NEB: variants seen among roughly 807,000 people sequenced by gnomAD.
NEB encodes nemaline myopathy type 2.
In NEB, 512 loss-of-function variants were observed where a neutral mutation model predicts 952.2. The ratio of observed to expected loss-of-function variants is 0.54; its 90% CI spans 0.50 to 0.58. The LOEUF is 0.58. Among genes scored for constraint, NEB ranks in the 20% least tolerant of loss-of-function variants. The pLI is 0.00. For missense variants in NEB, 8,428 were observed against 9,231.1 expected (o/e 0.91, Z 3.56); for synonymous variants, 2,900 against 3,149.8 (o/e 0.92, Z 2.66).
Position 151,607,544 on chromosome 2 carries a change from T to C in NEB, c.12599A>G (p.Glu4200Gly). The change falls in exon 83 of 182, where the codon GAG becomes GGG. Residue 4200 changes from glutamate (E) to glycine (G), a missense_variant. This residue lies in a region of NEB where 14 missense variants were observed against 46.4 expected (regional missense o/e 0.30). Transcript: ENST00000397345. The stretch of plus-strand genomic sequence containing the variant: ...GGCATTGATGTGGGCCTGCAGCATC[T>C]CCGGAGTATCAGAAGGAATGGTGAT... ...SNITIPSDTP[E>G]MLQAHINALQ... The C allele has an allele frequency of 1.4e-6, 1 of 696,128 alleles. No individual in the cohort carries two copies. Among genetic ancestry groups the C allele is most frequent in the Non-Finnish European group, 2.2e-6 (1 of 452,334 alleles). The allele number at this position is 696,128 out of a possible 1,614,324, so 43.1% of individuals were successfully genotyped here.
intron 179 of NEB, 97 bp downstream of exon 179, chr2:151,491,586 T>C: frequency 9.6e-7 from 1 of 1,040,024 alleles, no homozygotes; most frequent in South Asian, 1.4e-5. Flanking sequence ...AATGGAAAAC[T>C]CTGGAGGGAA....
At position 151,576,334 on chromosome 2, in the gene NEB, C is replaced by A. The variant is rs2153808846; in HGVS notation, c.16725G>T (p.Leu5575Phe). ...LQSDALYKAD[L>F]EWLRGIGWMP... ...TCCAGCCAATGCCACGCAACCACTC[C>A]AAGTCAGCCTTGTAGAGGGCCTGAA... Residue 5575 changes from leucine to phenylalanine, a missense_variant, in exon 106 of 182, where the codon TTG becomes TTT. This residue lies in a region of NEB where 3,374 missense variants were observed against 3,651.5 expected (regional missense o/e 0.92). Transcript: ENST00000397345. 1 of 1,605,278 alleles carries A rather than the reference C, an allele frequency of 6.2e-7. No individual in the cohort carries two copies. Among genetic ancestry groups the A allele is most frequent in the Non-Finnish European group, 8.5e-7 (1 of 1,174,464 alleles).
chr2:151,610,234 C>A (rs2097897584), intron 80 of NEB, 114 bp from the exon 81 acceptor site: 10 of 874,834 alleles, frequency 1.1e-5, no homozygotes, highest in Admixed American at 2.9e-5. Context: ...ATTTTGGCAT[C>A]TCTGAACTAT....
chr2:151,531,803 G>C lies in NEB; in HGVS notation c.21511C>G (p.Gln7171Glu). 6.2e-7 allele frequency: 1 copy of C among 1,610,926 alleles called. No individual in the cohort carries two copies. The change falls in exon 144 of 182, where the codon CAA becomes GAA. Residue 7171 changes from glutamine (Q) to glutamate (E), a missense_variant. Gln to Glu is a conservative substitution (Grantham distance 29). Coordinates refer to ENST00000397345, the MANE Select transcript of NEB (RefSeq NM_001164508.2). The part of the protein sequence containing the change: ...EHLRTTKVNK[Q>E]ISDILYKLEY... Reference sequence around the variant, plus strand: ...TTTCTTGCACTTACATCGCTGATTTGTTTGTTGACTTTTGTAGTACGCAGG... The same window carrying C: ...TTTCTTGCACTTACATCGCTGATTTCTTTGTTGACTTTTGTAGTACGCAGG...
Position 151,565,524 on chromosome 2 carries a change from T to G in NEB, c.18343A>C (p.Ile6115Leu). 6.3e-7 allele frequency: 1 copy of G among 1,597,066 alleles called. No individual in the cohort carries two copies. Among genetic ancestry groups the G allele is most frequent in the Non-Finnish European group, 8.6e-7 (1 of 1,166,060 alleles). ...ACATCACTTTGATTGACAGAATTAA[T>G]CTTGGCTAAAACAATCTCTGGAGGA... ...VDPPEIVLAKINSVNQSDVKY... is the reference protein window; with the variant it reads ...VDPPEIVLAKLNSVNQSDVKY... The change falls in exon 116 of 182, where the codon ATT becomes CTT. Residue 6115 changes from isoleucine (I) to leucine (L), a missense_variant. Physicochemically the swap from Ile to Leu is conservative, Grantham distance 5 (BLOSUM62 2). Around this residue, in one of 11 missense-constraint regions of NEB, gnomAD observed 3,374 missense variants for 3,651.5 expected, o/e 0.92. Coordinates refer to ENST00000397345, the MANE Select transcript of NEB (RefSeq NM_001164508.2).
chr2:151,503,250 C>T (rs1052141153), intron 166 of NEB, 99 bp downstream of exon 166: 3 of 868,632 alleles, frequency 3.5e-6, no homozygotes, highest in Non-Finnish European at 5.6e-6. Flanking sequence ...CAGACACACA[C>T]AGAATTGCTG....
At chr2:151,707,517 G>A (rs77418991) in intron 12 of NEB, among the ~76,000 whole-genome samples, 65 of 25,834 alleles carry the variant, frequency 2.5e-3, no homozygotes, top group African/African-American at 3.2e-3. Context: ...TTACAAGTAG[G>A]AGGAGGAGGA....
chr2:151,628,041 T>A (rs1192014549), intron 68 of NEB, among the ~76,000 whole-genome samples: 1 of 152,138 alleles, frequency 6.6e-6, no homozygotes, highest in Non-Finnish European at 1.5e-5. Flanking sequence ...GTCTCATAAA[T>A]AGTCTAACAG....
Position 151,659,083 on chromosome 2 carries a change from A to G in NEB, c.6057T>C (p.Asn2019=), listed in dbSNP as rs2099118054. Residue 2019 remains asparagine, a synonymous_variant, in exon 47 of 182, where the codon AAT becomes AAC. Coordinates refer to ENST00000397345, the MANE Select transcript of NEB (RefSeq NM_001164508.2). ...TACTTACATCACTCATATTAATTGC[A>G]TTTGCCTTTGCCAAAATAATCTGGG... is the stretch of plus-strand genomic sequence containing the variant. The part of the protein sequence containing the change: ...DIPQIILAKA[N]AINMSDKLYK... The G allele has an allele frequency of 6.2e-7, 1 of 1,608,366 alleles. No homozygotes were observed. The highest frequency in any genetic ancestry group is 8.5e-7 in the Non-Finnish European group (1 of 1,175,018).
chr2:151,533,985 A>G (rs1220377996), intron 142 of NEB, among the ~76,000 whole-genome samples: 1 of 152,132 alleles, frequency 6.6e-6, no homozygotes, highest in Non-Finnish European at 1.5e-5. Flanking sequence ...GGATGGGAGG[A>G]CCCAGCTTTT....
chr2:151,508,442 G>A (rs2071094043), intron 161 of NEB, among the ~76,000 whole-genome samples: 1 of 152,242 alleles, frequency 6.6e-6, no homozygotes, highest in Non-Finnish European at 1.5e-5. Context: ...GATGCCTCCA[G>A]TGGCAGTAGT....
At chr2:151,506,870 C>CT (rs1423895436) in intron 163 of NEB, 39 bp downstream of exon 163, 1 of 1,300,142 alleles carries the variant, frequency 7.7e-7, no homozygotes, top group South Asian at 1.2e-5. Context: ...AGTGAAATGA[C>CT]TAGGTTAGCA....
In NEB at chr2:151,640,443, T is replaced by C. The variant is rs370002964; in HGVS notation, c.8597A>G (p.Asp2866Gly). Residue 2866 changes from aspartate (D) to glycine (G), a missense_variant, in exon 61 of 182, where the codon GAC becomes GGC. This residue lies in a region of NEB where 1,772 missense variants were observed against 1,960.3 expected (regional missense o/e 0.90). Transcript: ENST00000397345. ...CCACTGGTGCAGGTAGTTCTTGTAG[T>C]CCACATCGCTGACTAAGGTCTGGCA... The part of the protein sequence containing the change: ...KKCQTLVSDV[D>G]YKNYLHQWTC... The C allele has an allele frequency of 9.3e-6, 15 of 1,613,994 alleles. No individual in the cohort carries two copies. The highest frequency in any genetic ancestry group is 1.3e-5 in the Non-Finnish European group (15 of 1,179,884).
At position 151,627,862 on chromosome 2, in the gene NEB, T is replaced by C. The variant is rs777142154; in HGVS notation, c.9832-28A>G. 3.8e-6 allele frequency: 6 copies of C among 1,597,596 alleles called. No individual in the cohort carries two copies. In the Admixed American group the frequency reaches 8.6e-5, roughly 23 times the overall value. On this transcript the variant is annotated intron_variant, in intron 68 of 181. Coordinates refer to ENST00000397345, the MANE Select transcript of NEB (RefSeq NM_001164508.2). ...GAAATAAAGGTGGTCATTTCAAAAA[T>C]AAAAATGAATAGAAAGGCTTAGAAG...
intron 24 of NEB, among the ~76,000 whole-genome samples, chr2:151,688,599 AC>A (rs2099521171): frequency 6.6e-6 from 1 of 152,174 alleles, no homozygotes; most frequent in Non-Finnish European, 1.5e-5. Flanking sequence ...CTTGGGGGAT[AC>A]TTTTCAAGAC....
In NEB at chr2:151,687,695, C is replaced by T. The variant is rs1238118025; in HGVS notation, c.2454G>A (p.Lys818=). ...YKQDWEKSKA[K]KFDIKVDAIP... ...TGGCGTCCACTTTAATGTCAAACTT[C>T]TTGGCTTTGCTCTTCTCCCAGTCTT... The change falls in exon 26 of 182, where the codon AAG becomes AAA. Residue 818 remains lysine, a synonymous_variant. Transcript: ENST00000397345. 1.9e-6 allele frequency: 3 copies of T among 1,599,464 alleles called. No homozygotes were observed. The South Asian group carries it at 3.4e-5, about 18-fold the overall frequency.
chr2:151,540,268 A>G, intron 138 of NEB, 76 bp downstream of exon 138: 1 of 871,646 alleles, frequency 1.1e-6, no homozygotes, highest in South Asian at 1.9e-5. Flanking sequence ...ATATGGCTGA[A>G]ATATGTTATG....
chr2:151,628,211 C>T (rs1388250520), intron 68 of NEB, among the ~76,000 whole-genome samples: 3 of 152,196 alleles, frequency 2.0e-5, no homozygotes, highest in African/African-American at 7.2e-5. Context: ...CATGAAATCA[C>T]TAACCCAGAA....
chr2:151,530,393 G>A (rs1157990302), intron 145 of NEB, among the ~76,000 whole-genome samples: 4 of 152,022 alleles, frequency 2.6e-5, no homozygotes, highest in Admixed American at 6.5e-5. Context: ...CGAGGGCCTC[G>A]ATCTGGGCTT....
Sources: allele counts gnomAD v4.1 joint callset (sites outside exome capture counted in the v4.1 genomes callset), GRCh38; gene constraint gnomAD v4.1.1; regional missense constraint gnomAD v4.1.1; transcripts MANE v1.5; gene names NCBI Gene and HGNC (gene_info 2026-07-23, HGNC 2026-07-21).